CCNH: variants seen among roughly 807,000 people sequenced by gnomAD.
The protein encoded by CCNH is cyclin H.
CCNH carries 31 observed loss-of-function variants against 41.9 expected under a neutral mutation model. That is an observed-to-expected ratio of 0.74 (90% CI 0.56 to 1.00). The LOEUF (loss-of-function observed/expected upper bound fraction) is 1.00. Among genes scored for constraint, CCNH ranks in the 50% least tolerant of loss-of-function variants. CCNH has a pLI of 0.00. For missense variants in CCNH, 362 were observed against 388.4 expected (o/e 0.93, Z 0.57); for synonymous variants, 138 against 136.1 (o/e 1.01, Z -0.10).
intron 7 of CCNH, among the ~76,000 whole-genome samples, chr5:87,398,913 C>G (rs1044255321): frequency 6.6e-5 from 10 of 151,058 alleles, no homozygotes; most frequent in African/African-American, 2.4e-4. Context: ...GCAGAGCTTG[C>G]AGTGAGCTGA....
At chr5:87,409,190 C>T in intron 3 of CCNH, 100 bp downstream of exon 3, 1 of 363,952 alleles carries the variant, frequency 2.7e-6, no homozygotes, top group Non-Finnish European at 4.9e-6. Context: ...GAAGTCAGTT[C>T]TCTCTCTCTC....
intron 9 of CCNH, among the ~76,000 whole-genome samples, chr5:87,338,801 A>G (rs7714180): frequency 0.012 from 1,800 of 151,844 alleles, 27 homozygotes; most frequent in African/African-American, 0.041. Flanking sequence ...TTTCAAATAT[A>G]TATATAATTT....
intron 9 of CCNH, among the ~76,000 whole-genome samples, chr5:87,359,339 C>T (rs1488857667): frequency 6.6e-6 from 1 of 152,130 alleles, no homozygotes; most frequent in Non-Finnish European, 1.5e-5. Context: ...AATCTAAGAA[C>T]TATCTCTCAG....
At chr5:87,388,986 A>G (rs1219253371), downstream of CCNH, among the ~76,000 whole-genome samples, 1 of 152,200 alleles carries the variant, frequency 6.6e-6, no homozygotes, top group Admixed American at 6.5e-5. Flanking sequence ...TACGGAAAAA[A>G]ATGGAATCTG....
At position 87,348,057 on chromosome 5, in the gene CCNH, A is replaced by G. The variant is rs529396790; in HGVS notation, c.*91-29160T>C. ...ATGCACAGTCTTGCATGAAATTCCT[A>G]TCATATTCTAGAAGAAATTTAGAGA... On this transcript the variant is annotated intron_variant and NMD_transcript_variant, in intron 9 of 9. Coordinates refer to the CCNH transcript ENST00000645953. 8.5e-5 allele frequency among the ~76,000 whole-genome samples: 13 copies of G among 152,108 alleles called. No homozygotes were observed. In the South Asian group the frequency reaches 2.3e-3, roughly 27 times the overall value.
chr5:87,318,746 TC>T (rs1756539493), exon 10 of CCNH: 3 of 152,060 alleles, frequency 2.0e-5, no homozygotes, highest in Admixed American at 2.0e-4. Flanking sequence ...CATATCATTC[TC>T]CCCAGCCTCT....
downstream of CCNH, among the ~76,000 whole-genome samples, chr5:87,388,438 T>C (rs1309562528): frequency 6.6e-6 from 1 of 152,148 alleles, no homozygotes. Flanking sequence ...TGCTAAAAAA[T>C]CCAAAACTTG....
downstream of CCNH, chr5:87,374,181 C>T (rs2112484750): frequency 6.6e-7 from 1 of 1,520,000 alleles, no homozygotes; most frequent in Non-Finnish European, 8.9e-7. Flanking sequence ...CCTTGTTTTA[C>T]ATATTGAAGA....
chr5:87,315,587 C>A (rs1756266785), downstream of CCNH, among the ~76,000 whole-genome samples: 1 of 152,164 alleles, frequency 6.6e-6, no homozygotes, highest in Admixed American at 6.5e-5. Flanking sequence ...AAGAAGTGTG[C>A]TATCTTTTGG....
chr5:87,412,659 AC>A lies in CCNH; in HGVS notation c.117+18del, dbSNP rs768061679. 4.6e-4 allele frequency: 745 copies of A among 1,613,114 alleles called. 1 individual carries two copies. The highest frequency in any genetic ancestry group is 6.6e-4 in the Middle Eastern group (4 of 6,046). ...AATTTAGTGACCGGGCAACTGGGCA[AC>A]CGTTGGGAAAACCTCACCTTCCCGT... On this transcript the variant is annotated intron_variant, in intron 1 of 8. Transcript: ENST00000256897.
intron 9 of CCNH, among the ~76,000 whole-genome samples, chr5:87,358,036 G>A (rs1759785770): frequency 6.6e-6 from 1 of 152,052 alleles, no homozygotes; most frequent in Non-Finnish European, 1.5e-5. Context: ...CTTCAAGCAG[G>A]GTTTTAACTA....
intron 9 of CCNH, among the ~76,000 whole-genome samples, chr5:87,344,521 ATTGT>A (rs1186403830): frequency 6.6e-6 from 1 of 151,402 alleles, no homozygotes; most frequent in East Asian, 1.9e-4. Flanking sequence ...TTTTTTCTTT[ATTGT>A]TTTAGAGATA....
At chr5:87,329,830 CAT>C (rs781029485) in intron 9 of CCNH, among the ~76,000 whole-genome samples, 3 of 152,136 alleles carry the variant, frequency 2.0e-5, no homozygotes, top group Admixed American at 1.3e-4. Context: ...TAAATAAACT[CAT>C]AGCCTGAAAT....
At chr5:87,382,046 G>C (rs578216266), upstream of CCNH, among the ~76,000 whole-genome samples, 2 of 152,236 alleles carry the variant, frequency 1.3e-5, no homozygotes, top group South Asian at 4.2e-4. Flanking sequence ...CCGCCTCCCA[G>C]GTTCAAGTGA....
chr5:87,400,918 T>C (rs145337650), intron 6 of CCNH, among the ~76,000 whole-genome samples: 341 of 152,318 alleles, frequency 2.2e-3, no homozygotes, highest in Non-Finnish European at 3.7e-3. Context: ...TACTCAACTC[T>C]CAACACCGGC....
downstream of CCNH, among the ~76,000 whole-genome samples, chr5:87,371,864 G>A (rs1012582289): frequency 9.9e-5 from 15 of 151,730 alleles, no homozygotes; most frequent in African/African-American, 2.7e-4. Context: ...ATGGCCACTC[G>A]ATGTGTTTCA....
chr5:87,391,749 G>A (rs1415942522), downstream of CCNH: 2 of 232,178 alleles, frequency 8.6e-6, no homozygotes, highest in East Asian at 6.1e-5. Flanking sequence ...CTTTGATTAT[G>A]CAGACAACCT....
At chr5:87,375,282 T>TG (rs1335914197), downstream of CCNH, among the ~76,000 whole-genome samples, 3 of 152,066 alleles carry the variant, frequency 2.0e-5, no homozygotes, top group Non-Finnish European at 4.4e-5. Flanking sequence ...TCTTTTGAGA[T>TG]GGAGTCTTGC....
At chr5:87,376,912 A>C in exon 1 of CCNH, 1 of 1,610,042 alleles carries the variant, frequency 6.2e-7, no homozygotes, top group South Asian at 1.1e-5. Context: ...CATGTAGTCT[A>C]TGCTTTATCA....
Sources: gnomAD v4.1 joint callset for allele counts (sites outside exome capture counted in the v4.1 genomes callset) on GRCh38, gnomAD v4.1.1 for gene constraint, MANE v1.5 for transcripts, NCBI Gene and HGNC (gene_info 2026-07-23, HGNC 2026-07-21) for gene names.